DMD: variants seen among roughly 807,000 people sequenced by gnomAD.
DMD encodes dystrophin.
A neutral mutation model predicts 330.1 loss-of-function variants in DMD; 63 were observed. The ratio of observed to expected loss-of-function variants is 0.19; its 90% confidence interval spans 0.16 to 0.24. The LOEUF is 0.24. Ranked by LOEUF, DMD falls within the 10% of genes least tolerant of loss-of-function variation. The pLI, the probability that DMD is intolerant of heterozygous loss-of-function variation, is 1.00. For missense variants in DMD, 3,344 were observed against 2,684.1 expected (o/e 1.25, Z -5.43); for synonymous variants, 1,223 against 959.8 (o/e 1.27, Z -5.07).
At chrX:31,958,518 C>A (rs1274733654) in intron 45 of DMD, among the ~76,000 whole-genome samples, 1 of 111,455 alleles carries the variant, frequency 9.0e-6, no homozygotes, top group Non-Finnish European at 1.9e-5. Context: ...TGATAGTTTA[C>A]AGTGGTACTC....
intron 50 of DMD, among the ~76,000 whole-genome samples, chrX:31,817,689 A>AG (rs1241311170): frequency 9.0e-6 from 1 of 111,518 alleles, no homozygotes; most frequent in African/African-American, 3.3e-5. Flanking sequence ...TGGAGGACAT[A>AG]GGAGAAGACA....
chrX:33,159,861 C>A (rs1298882887), intron 1 of DMD, among the ~76,000 whole-genome samples: 1 of 110,842 alleles, frequency 9.0e-6, no homozygotes, highest in Admixed American at 9.6e-5. Context: ...GAATTGCATA[C>A]CTCAATTTTT....
intron 67 of DMD, among the ~76,000 whole-genome samples, chrX:31,185,818 T>C (rs1277555134): frequency 3.6e-5 from 4 of 110,972 alleles, no homozygotes; most frequent in African/African-American, 1.3e-4. Flanking sequence ...ACCAATATTT[T>C]CTAGAGATAA....
intron 1 of DMD, among the ~76,000 whole-genome samples, chrX:33,260,747 C>A (rs1276281102): frequency 2.7e-5 from 3 of 111,462 alleles, no homozygotes; most frequent in African/African-American, 9.7e-5. Context: ...TTGCTCATCA[C>A]TTTATACAAT....
intron 32 of DMD, among the ~76,000 whole-genome samples, chrX:32,387,740 G>GT (rs941315768): frequency 1.2e-4 from 13 of 110,814 alleles, no homozygotes; most frequent in Non-Finnish European, 7.6e-5. Flanking sequence ...AAATATCTGT[G>GT]TATCTGGAAA....
At chrX:32,841,457 T>C (rs1021352542) in intron 4 of DMD, among the ~76,000 whole-genome samples, 3 of 111,937 alleles carry the variant, frequency 2.7e-5, no homozygotes, top group Non-Finnish European at 5.6e-5. Context: ...GGCTGTATTA[T>C]AAAACTACAT....
At chrX:33,276,291 A>G (rs1436341629) in intron 1 of DMD, among the ~76,000 whole-genome samples, 2 of 111,294 alleles carry the variant, frequency 1.8e-5, no homozygotes, top group African/African-American at 6.6e-5. Flanking sequence ...CAGGAAACAC[A>G]TGAAGAGGCT....
intron 1 of DMD, among the ~76,000 whole-genome samples, chrX:33,096,099 A>C (rs1051550380): frequency 9.7e-5 from 10 of 103,247 alleles, no homozygotes; most frequent in African/African-American, 1.8e-4. Flanking sequence ...CTCAGCCTCC[A>C]GAGTAGCTGG....
intron 60 of DMD, among the ~76,000 whole-genome samples, chrX:31,390,138 GA>G (rs1182081687): frequency 3.9e-5 from 4 of 102,638 alleles, no homozygotes; most frequent in South Asian, 4.2e-4. Flanking sequence ...ACTTAAAATG[GA>G]AAAAAAAAAC....
intron 9 of DMD, among the ~76,000 whole-genome samples, chrX:32,681,190 T>C (rs1273604908): frequency 9.0e-6 from 1 of 111,655 alleles, no homozygotes; most frequent in African/African-American, 3.3e-5. Flanking sequence ...TTTCATTCTT[T>C]TCTTATCTAA....
In DMD at chrX:32,742,912, G is replaced by T. The variant is rs182478313; in HGVS notation, c.650-43619C>A. On this transcript the variant is annotated intron_variant, in intron 7 of 78. Coordinates refer to ENST00000357033, the MANE Select transcript of DMD (RefSeq NM_004006.3). ...ATCCCCATTTTACAGATGAAGAAAC[G>T]AAGGCCAAGAGAGGATAAGTAAGTT... 6.3e-3 allele frequency among the ~76,000 whole-genome samples: 708 copies of T among 111,738 alleles called. 7 individuals carry two copies. Among genetic ancestry groups the T allele is most frequent in the Admixed American group, 0.027 (286 of 10,514 alleles).
chrX:31,898,880 T>C (rs2094385325), intron 47 of DMD, among the ~76,000 whole-genome samples: 1 of 111,500 alleles, frequency 9.0e-6, no homozygotes, highest in African/African-American at 3.3e-5. Context: ...GGAAAACACA[T>C]CATGAGGGGA....
intron 1 of DMD, among the ~76,000 whole-genome samples, chrX:33,135,535 T>C (rs770928750): frequency 1.9e-4 from 21 of 112,390 alleles, no homozygotes; most frequent in African/African-American, 6.1e-4. Flanking sequence ...CACATTCTTA[T>C]GGAATATTTA....
chrX:32,932,718 C>T (rs778662393), intron 2 of DMD, among the ~76,000 whole-genome samples: 10 of 111,621 alleles, frequency 9.0e-5, no homozygotes, highest in South Asian at 3.7e-4. Context: ...TGTACAAGCC[C>T]GAAAAGGCTG....
Position 32,343,203 on chromosome X carries a change from CAGG to C in DMD, c.5667_5669del (p.Leu1890del). The C allele has an allele frequency of 8.3e-7, 1 of 1,209,628 alleles. No homozygotes were observed. The stretch of plus-strand genomic sequence containing the variant: ...TTTTTTCAATGTCATCCAAGCATTT[CAGG>C]AGATCATCAGCCTGCCTCTTGTACT... On this transcript the variant is annotated inframe_deletion, in exon 40 of 79. Coordinates refer to ENST00000357033, the MANE Select transcript of DMD (RefSeq NM_004006.3).
intron 52 of DMD, among the ~76,000 whole-genome samples, chrX:31,700,549 T>C (rs1317091622): frequency 8.9e-6 from 1 of 111,993 alleles, no homozygotes; most frequent in Non-Finnish European, 1.9e-5. Context: ...GGGAAGTATG[T>C]ATTGCTTCCC....
At chrX:32,549,109 A>G (rs1355097869) in intron 16 of DMD, among the ~76,000 whole-genome samples, 1 of 111,866 alleles carries the variant, frequency 8.9e-6, no homozygotes, top group Non-Finnish European at 1.9e-5. Context: ...AATGGGAAAT[A>G]GTTTAGAAAT....
At chrX:32,354,942 A>C (rs1313442285) in intron 37 of DMD, among the ~76,000 whole-genome samples, 1 of 111,753 alleles carries the variant, frequency 8.9e-6, no homozygotes, top group African/African-American at 3.2e-5. Context: ...TTGGAGTAGG[A>C]AATGAATTAA....
chrX:31,722,125 T>TTTAC (rs1017067229), intron 52 of DMD, among the ~76,000 whole-genome samples: 1 of 110,205 alleles, frequency 9.1e-6, no homozygotes, highest in African/African-American at 3.3e-5. Flanking sequence ...TATTTATTTA[T>TTTAC]TTATTTATTT....
Sources: allele counts gnomAD v4.1 joint callset (sites outside exome capture counted in the v4.1 genomes callset), GRCh38; gene constraint gnomAD v4.1.1; transcripts MANE v1.5; gene names NCBI Gene and HGNC (gene_info 2026-07-23, HGNC 2026-07-21).